Variants in EPS15 observed in about 807,000 individuals in gnomAD.
EPS15 encodes epidermal growth factor receptor pathway substrate 15.
EPS15 carries 72 observed loss-of-function variants against 113.8 expected under a neutral mutation model. That is an observed-to-expected ratio of 0.63 (90% CI 0.52 to 0.77). EPS15 has a LOEUF of 0.77. EPS15 is among the 30% of genes least tolerant of loss of function. The pLI, the probability that EPS15 is intolerant of heterozygous loss-of-function variation, is 0.00. For missense variants in EPS15, 1,048 were observed against 1,045.8 expected (o/e 1.00, Z -0.03); for synonymous variants, 344 against 363.4 (o/e 0.95, Z 0.61).
chr1:51,400,711 C>CAAAAAAAAAAAAAAAA (rs1648435759), intron 19 of EPS15, among the ~76,000 whole-genome samples: 1 of 47,082 alleles, frequency 2.1e-5, no homozygotes, highest in East Asian at 3.7e-4. Flanking sequence ...ACAAAAAACA[C>CAAAAAAAAAAAAAAAA]CAAAAAAAAA....
chr1:51,365,927 C>T (rs1260935447), intron 22 of EPS15, 26 bp downstream of exon 22: 9 of 1,485,454 alleles, frequency 6.1e-6, no homozygotes, highest in Non-Finnish European at 8.4e-6. Context: ...GTATGTTTTC[C>T]CTTCCCATTA....
chr1:51,435,065 C>T (rs1652032116), intron 12 of EPS15, among the ~76,000 whole-genome samples: 1 of 148,384 alleles, frequency 6.7e-6, no homozygotes, highest in African/African-American at 2.5e-5. Context: ...AATTTTTAAA[C>T]ATGTGAAAAA....
chr1:51,434,246 A>G (rs1651959267), intron 12 of EPS15, among the ~76,000 whole-genome samples: 1 of 152,230 alleles, frequency 6.6e-6, no homozygotes, highest in Admixed American at 6.5e-5. Flanking sequence ...TTGTATGTTC[A>G]TGTTCATAGC....
At chr1:51,513,392 A>C (rs1047775171) in intron 1 of EPS15, among the ~76,000 whole-genome samples, 1 of 152,212 alleles carries the variant, frequency 6.6e-6, no homozygotes, top group Non-Finnish European at 1.5e-5. Flanking sequence ...GTTATAGAGC[A>C]ATCTCCTAAA....
At chr1:51,506,545 T>C (rs560447358) in intron 1 of EPS15, among the ~76,000 whole-genome samples, 2 of 152,100 alleles carry the variant, frequency 1.3e-5, no homozygotes, top group Non-Finnish European at 2.9e-5. Flanking sequence ...ATAAGTCTTG[T>C]CCACTTTAAC....
At chr1:51,446,825 T>G (rs1653097131) in intron 10 of EPS15, 135 bp downstream of exon 10, 2 of 709,186 alleles carry the variant, frequency 2.8e-6, no homozygotes, top group Admixed American at 6.3e-5. Context: ...GAAGAATTCT[T>G]CAGATTCTGA....
chr1:51,408,010 TA>T, intron 15 of EPS15, 124 bp downstream of exon 15: 1 of 800,978 alleles, frequency 1.2e-6, no homozygotes, highest in Admixed American at 2.0e-5. Context: ...ACCTATTGTA[TA>T]AAATGACTGA....
At position 51,387,114 on chromosome 1, in the gene EPS15, G is replaced by A. The variant is rs113257522; in HGVS notation, c.2119+7267C>T. The stretch of plus-strand genomic sequence containing the variant: ...AAGGGAAGCCCATCAGACTAACAGC[G>A]GATCTCTTGGCAGAAACTCCACAAG... On this transcript the variant is annotated intron_variant, in intron 21 of 24. Coordinates refer to ENST00000371733, the MANE Select transcript of EPS15 (RefSeq NM_001981.3). Among the ~76,000 whole-genome samples, 731 of 152,240 alleles carry A rather than the reference G, an allele frequency of 4.8e-3. 1 individual carries two copies. The highest frequency in any genetic ancestry group is 0.011 in the South Asian group (53 of 4,818).
chr1:51,421,547 A>C (rs1031609015), intron 13 of EPS15, among the ~76,000 whole-genome samples: 1 of 152,170 alleles, frequency 6.6e-6, no homozygotes, highest in Non-Finnish European at 1.5e-5. Flanking sequence ...CATTTAAAAA[A>C]TACTTTCAAA....
intron 21 of EPS15, among the ~76,000 whole-genome samples, chr1:51,380,440 T>C (rs1247757427): frequency 1.3e-5 from 2 of 152,144 alleles, no homozygotes; most frequent in Non-Finnish European, 2.9e-5. Flanking sequence ...GGAGTGGAGC[T>C]GTAAAGGAGT....
At chr1:51,458,694 G>A (rs1413589457) in intron 8 of EPS15, 3 of 314,672 alleles carry the variant, frequency 9.5e-6, no homozygotes, top group South Asian at 2.2e-5. Context: ...CTGAGATCCC[G>A]CCACTGCACT....
At chr1:51,513,113 G>A (rs1303747729) in intron 1 of EPS15, among the ~76,000 whole-genome samples, 2 of 152,020 alleles carry the variant, frequency 1.3e-5, no homozygotes, top group Non-Finnish European at 2.9e-5. Context: ...TTATAGGCCT[G>A]AGCCACTATG....
Position 51,429,999 on chromosome 1 carries a change from T to G in EPS15, c.1041-8141A>C, listed in dbSNP as rs542239006. On this transcript the variant is annotated intron_variant, in intron 12 of 24. Coordinates refer to ENST00000371733, the MANE Select transcript of EPS15 (RefSeq NM_001981.3). ...AAATGGTGAGTCCCTTAGAGGTTTC[T>G]GAGACATGCTTCTTTGAACACCGAA... Among the ~76,000 whole-genome samples the G allele has an allele frequency of 1.2e-4, 18 of 152,286 alleles. No homozygotes were observed. The South Asian group carries it at 3.1e-3, about 26-fold the overall frequency.
At chr1:51,425,524 A>C (rs1474199779) in intron 12 of EPS15, among the ~76,000 whole-genome samples, 2 of 152,220 alleles carry the variant, frequency 1.3e-5, no homozygotes, top group African/African-American at 2.4e-5. Flanking sequence ...AAAACTAGAA[A>C]CTATTAGAAA....
At chr1:51,367,015 TCA>T (rs1190537772) in intron 21 of EPS15, among the ~76,000 whole-genome samples, 1 of 152,208 alleles carries the variant, frequency 6.6e-6, no homozygotes, top group Non-Finnish European at 1.5e-5. Flanking sequence ...TTGAAAAAGT[TCA>T]GTCTAGTAAA....
At chr1:51,474,680 T>A (rs4568875) in intron 2 of EPS15, among the ~76,000 whole-genome samples, 42,918 of 151,670 alleles carry the variant, frequency 0.28, 7,177 homozygotes, top group Middle Eastern at 0.43. Flanking sequence ...GTTTTCTTTT[T>A]TTATTATTAT....
intron 13 of EPS15, among the ~76,000 whole-genome samples, chr1:51,414,318 C>T (rs1395560616): frequency 6.6e-6 from 1 of 151,578 alleles, no homozygotes; most frequent in East Asian, 1.9e-4. Context: ...GAGACTGAGG[C>T]AGGAGGATCA....
Position 51,405,913 on chromosome 1 carries a change from C to T in EPS15, c.1669G>A (p.Glu557Lys), listed in dbSNP as rs762892393. 1.9e-6 allele frequency: 3 copies of T among 1,613,880 alleles called. No individual in the cohort carries two copies. Among genetic ancestry groups the T allele is most frequent in the African/African-American group, 1.3e-5 (1 of 75,004 alleles). The stretch of plus-strand genomic sequence containing the variant: ...GAAAGTATTAGACTCACTGGAGATT[C>T]CTGGTGTATGGGCTCAGACTCTAGG... ...SNLESEPIHQ[E>K]SPARSSPELL... The change falls in exon 16 of 25, where the codon GAA (glutamate) becomes AAA (lysine). Residue 557 changes from glutamate to lysine, a missense_variant. Transcript: ENST00000371733.
chr1:51,492,719 C>A (rs111859660), intron 1 of EPS15, among the ~76,000 whole-genome samples: 3,455 of 151,550 alleles, frequency 0.023, 152 homozygotes, highest in African/African-American at 0.078. Flanking sequence ...AACAAACAAA[C>A]AAAAAAAACA....
Sources: gnomAD v4.1 joint callset for allele counts (sites outside exome capture counted in the v4.1 genomes callset) on GRCh38, gnomAD v4.1.1 for gene constraint, MANE v1.5 for transcripts, NCBI Gene and HGNC (gene_info 2026-07-23, HGNC 2026-07-21) for gene names.